The following MAPK10 variants were observed in gnomAD, a reference collection of about 807,000 sequenced individuals.
MAPK10 encodes JNK3 alpha protein kinase.
Under a neutral mutation model 59.3 loss-of-function variants are expected in MAPK10, and 25 were observed. The observed-to-expected ratio is 0.42, with a 90% CI of 0.31 to 0.59. MAPK10 has a LOEUF of 0.59. Ranked by LOEUF, MAPK10 falls within the 20% of genes least tolerant of loss-of-function variation. The probability of loss-of-function intolerance (pLI) is 0.15; values close to 1 mark genes in which losing one functional copy is unlikely to be tolerated. For synonymous variants in MAPK10, 190 were observed against 200.5 expected (o/e 0.95, Z 0.44); for missense variants, 351 against 568.9 (o/e 0.62, Z 3.90).
chr4:86,048,828 T>G (rs2042988576), intron 11 of MAPK10, among the ~76,000 whole-genome samples: 1 of 152,154 alleles, frequency 6.6e-6, no homozygotes, highest in Non-Finnish European at 1.5e-5. Context: ...TTTTTTTAAT[T>G]CCAAAGTGTC....
chr4:86,190,846 A>C (rs886449129), intron 3 of MAPK10, among the ~76,000 whole-genome samples: 14 of 152,078 alleles, frequency 9.2e-5, no homozygotes, highest in African/African-American at 3.4e-4. Flanking sequence ...TAGGATGTTG[A>C]TTTTAGATCT....
chr4:86,387,304 A>G (rs1451198609), intron 1 of MAPK10, among the ~76,000 whole-genome samples: 1 of 152,174 alleles, frequency 6.6e-6, no homozygotes, highest in Admixed American at 6.5e-5. Flanking sequence ...AAGAAAAATC[A>G]TTGCCTGATT....
chr4:86,253,876 T>G (rs1253096622), intron 2 of MAPK10, among the ~76,000 whole-genome samples: 37 of 41,828 alleles, frequency 8.8e-4, no homozygotes, highest in East Asian at 8.6e-3. Context: ...TATTCAGAGA[T>G]TCAACTTCTT....
At chr4:86,584,915 C>A (rs1002104723) in intron 1 of MAPK10, among the ~76,000 whole-genome samples, 1 of 152,136 alleles carries the variant, frequency 6.6e-6, no homozygotes, top group Non-Finnish European at 1.5e-5. Flanking sequence ...CAATAAAAGT[C>A]TTGGATTAAA....
At chr4:86,512,545 T>G (rs2149084129) in intron 1 of MAPK10, among the ~76,000 whole-genome samples, 1 of 152,308 alleles carries the variant, frequency 6.6e-6, no homozygotes, top group South Asian at 2.1e-4. Context: ...ATCTGAGATT[T>G]TCATGTGATC....
At chr4:86,505,994 T>C (rs1237219593) in intron 1 of MAPK10, among the ~76,000 whole-genome samples, 1 of 152,140 alleles carries the variant, frequency 6.6e-6, no homozygotes. Flanking sequence ...CTAGGCAATA[T>C]AGAGACATAC....
chr4:86,082,506 T>C (rs1270345375), intron 9 of MAPK10, among the ~76,000 whole-genome samples: 3 of 152,290 alleles, frequency 2.0e-5, no homozygotes, highest in South Asian at 2.1e-4. Flanking sequence ...TTAACATATA[T>C]GTAGGAGTTC....
chr4:86,502,471 A>C (rs1194008922), intron 1 of MAPK10, among the ~76,000 whole-genome samples: 3 of 151,990 alleles, frequency 2.0e-5, no homozygotes, highest in Admixed American at 2.0e-4. Flanking sequence ...TATGAAGTAC[A>C]TTTCTCTTGA....
chr4:86,543,927 TAAGG>T (rs916539962), intron 1 of MAPK10, among the ~76,000 whole-genome samples: 5 of 152,118 alleles, frequency 3.3e-5, no homozygotes, highest in African/African-American at 9.7e-5. Context: ...TAACTAGCAG[TAAGG>T]AAGTTTAATG....
chr4:86,256,694 A>G (rs1456810364), intron 2 of MAPK10, among the ~76,000 whole-genome samples: 5 of 150,036 alleles, frequency 3.3e-5, no homozygotes, highest in Admixed American at 3.3e-4. Context: ...AAATATCTGA[A>G]CTTTATGTAT....
At chr4:86,269,520 G>A (rs145373691) in intron 2 of MAPK10, among the ~76,000 whole-genome samples, 12 of 152,202 alleles carry the variant, frequency 7.9e-5, no homozygotes, top group African/African-American at 2.9e-4. Flanking sequence ...AGAATGCACA[G>A]TCTGTACATC....
At chr4:86,105,087 C>A (rs2056293078) in intron 5 of MAPK10, among the ~76,000 whole-genome samples, 1 of 152,020 alleles carries the variant, frequency 6.6e-6, no homozygotes, top group Non-Finnish European at 1.5e-5. Flanking sequence ...TTCTAGATAA[C>A]AATTTTAATC....
chr4:86,069,280 G>A (rs889140576), intron 9 of MAPK10, among the ~76,000 whole-genome samples: 15 of 151,876 alleles, frequency 9.9e-5, no homozygotes, highest in Non-Finnish European at 1.9e-4. Context: ...TAATCTGGCT[G>A]AATAAAACTT....
At chr4:86,038,591 A>C (rs1280313169) in intron 11 of MAPK10, among the ~76,000 whole-genome samples, 1 of 152,134 alleles carries the variant, frequency 6.6e-6, no homozygotes, top group Admixed American at 6.5e-5. Flanking sequence ...GGACTTGTTA[A>C]ATTTTCACCA....
chr4:86,093,984 AT>A (rs2149056380), intron 9 of MAPK10, among the ~76,000 whole-genome samples: 1 of 152,078 alleles, frequency 6.6e-6, no homozygotes, highest in East Asian at 1.9e-4. Flanking sequence ...TAAATTTTAT[AT>A]TGTTTGAAAT....
chr4:86,391,912 G>A (rs546442943), intron 1 of MAPK10, among the ~76,000 whole-genome samples: 21 of 152,276 alleles, frequency 1.4e-4, no homozygotes, highest in African/African-American at 4.6e-4. Flanking sequence ...CAGGATTGAA[G>A]CCCACCACAG....
At chr4:86,445,420 G>C (rs759929992) in intron 1 of MAPK10, among the ~76,000 whole-genome samples, 6 of 152,116 alleles carry the variant, frequency 3.9e-5, no homozygotes, top group Non-Finnish European at 8.8e-5. Flanking sequence ...GGCCTGTCAT[G>C]GGGAGGGAGA....
intron 1 of MAPK10, among the ~76,000 whole-genome samples, chr4:86,400,037 G>A (rs1238475831): frequency 2.0e-5 from 3 of 152,088 alleles, no homozygotes; most frequent in Non-Finnish European, 1.5e-5. Context: ...TGTGGTATAT[G>A]TTGCTAATAC....
intron 4 of MAPK10, among the ~76,000 whole-genome samples, chr4:86,118,710 T>G (rs751106918): frequency 1.1e-4 from 17 of 152,144 alleles, no homozygotes; most frequent in Non-Finnish European, 2.4e-4. Context: ...TTCTTCTTCC[T>G]AAGTCATAAT....
Sources: allele counts gnomAD v4.1 joint callset (sites outside exome capture counted in the v4.1 genomes callset), GRCh38; gene constraint gnomAD v4.1.1; transcripts MANE v1.5; gene names NCBI Gene and HGNC (gene_info 2026-07-23, HGNC 2026-07-21).